Variants in RPTOR observed in about 807,000 individuals in gnomAD.
RPTOR encodes the protein regulatory associated protein of MTOR complex 1, also known as regulatory-associated protein of mTOR.
Under a neutral mutation model 169.9 loss-of-function variants are expected in RPTOR, and 21 were observed. That is an observed-to-expected ratio of 0.12 (90% CI 0.09 to 0.18). The LOEUF (loss-of-function observed/expected upper bound fraction) is 0.18. RPTOR is among the 10% of genes least tolerant of loss of function. The pLI, the probability that RPTOR is intolerant of heterozygous loss-of-function variation, is 1.00. For synonymous variants in RPTOR, 732 were observed against 753.2 expected (o/e 0.97, Z 0.46); for missense variants, 1,133 against 1,855.9 (o/e 0.61, Z 7.16).
chr17:80,669,761 A>C (rs1485329), intron 3 of RPTOR, among the ~76,000 whole-genome samples: 2 of 152,084 alleles, frequency 1.3e-5, no homozygotes, highest in South Asian at 4.1e-4. Flanking sequence ...ATGGAGGGAC[A>C]ATCTTCTGCA....
intron 1 of RPTOR, among the ~76,000 whole-genome samples, chr17:80,621,483 C>T (rs929058725): frequency 1.3e-5 from 2 of 152,230 alleles, no homozygotes; most frequent in Non-Finnish European, 2.9e-5. Flanking sequence ...GCCTCTGCCG[C>T]CTCCCCAGCC....
chr17:80,696,479 G>A (rs1346631160), intron 3 of RPTOR, among the ~76,000 whole-genome samples: 1 of 152,214 alleles, frequency 6.6e-6, no homozygotes, highest in African/African-American at 2.4e-5. Flanking sequence ...ATTAATCCAA[G>A]TAAGCAGAAT....
rs2065635724 is a variant in RPTOR at position 80,651,102 on chromosome 17, G to T, written c.348+7292G>T. 6.6e-6 allele frequency among the ~76,000 whole-genome samples: 1 copy of T among 152,208 alleles called. No individual in the cohort carries two copies. Among genetic ancestry groups the T allele is most frequent in the African/African-American group, 2.4e-5 (1 of 41,452 alleles). On this transcript the variant is annotated intron_variant, in intron 3 of 33. Transcript: ENST00000306801. The surrounding 1 kb of genome is among the most constrained non-coding windows in gnomAD (Gnocchi z 4.1). The stretch of plus-strand genomic sequence containing the variant: ...TCGTTTCACAGATCTCACGTGCCAT[G>T]TGTGTTTCCTGAGTTAACTTGGGGA...
intron 6 of RPTOR, among the ~76,000 whole-genome samples, chr17:80,762,568 T>G (rs1382127250): frequency 6.6e-6 from 1 of 152,032 alleles, no homozygotes; most frequent in Non-Finnish European, 1.5e-5. Context: ...AAAAGAGAAG[T>G]AATCCAATAA....
chr17:80,555,068 C>T (rs2084392224), intron 1 of RPTOR, among the ~76,000 whole-genome samples: 1 of 151,988 alleles, frequency 6.6e-6, no homozygotes, highest in Non-Finnish European at 1.5e-5. Flanking sequence ...CCTTTAAGAC[C>T]GTAAAGGGGC....
At chr17:80,798,548 C>T (rs955599033) in intron 7 of RPTOR, among the ~76,000 whole-genome samples, 7 of 152,020 alleles carry the variant, frequency 4.6e-5, no homozygotes, top group East Asian at 1.9e-4. Flanking sequence ...GGAGGGTCAC[C>T]GCCTGACCCC....
rs746995356 is a variant in RPTOR at position 80,791,528 on chromosome 17, C to T, written c.890+19C>T. On this transcript the variant is annotated intron_variant, in intron 7 of 33. Transcript: ENST00000306801. Reference sequence around the variant, plus strand: ...TAGAAAAGTAAGTAGGATTTTTAAGCTCTTGTGGCTCTCTGGATCTGATGA... The same window carrying T: ...TAGAAAAGTAAGTAGGATTTTTAAGTTCTTGTGGCTCTCTGGATCTGATGA... The T allele has an allele frequency of 3.7e-6, 6 of 1,609,064 alleles. No individual in the cohort carries two copies. The East Asian group carries it at 6.7e-5, about 18-fold the overall frequency.
chr17:80,883,275 A>G, intron 14 of RPTOR, 144 bp from the exon 15 acceptor site: 1 of 733,890 alleles, frequency 1.4e-6, no homozygotes, highest in South Asian at 1.7e-5. Flanking sequence ...GAGTCCACGT[A>G]AAATCCAGGA....
chr17:80,914,285 G>A (rs945337379), intron 21 of RPTOR, among the ~76,000 whole-genome samples: 39 of 152,308 alleles, frequency 2.6e-4, no homozygotes, highest in Non-Finnish European at 3.8e-4. Context: ...CTCCCCAGGT[G>A]CAGCTACAGC....
At chr17:80,937,766 G>A (rs548728780) in intron 24 of RPTOR, among the ~76,000 whole-genome samples, 5 of 152,344 alleles carry the variant, frequency 3.3e-5, no homozygotes, top group Admixed American at 6.5e-5. Flanking sequence ...TGCTGCCTCC[G>A]TGCTGAGCGG....
intron 1 of RPTOR, among the ~76,000 whole-genome samples, chr17:80,594,309 G>A (rs1303126487): frequency 6.6e-6 from 1 of 152,066 alleles, no homozygotes; most frequent in African/African-American, 2.4e-5. Context: ...GGCCAGGCTG[G>A]TCTTGAATTC....
intron 4 of RPTOR, among the ~76,000 whole-genome samples, chr17:80,719,846 C>T (rs2066270420): frequency 6.6e-6 from 1 of 152,194 alleles, no homozygotes; most frequent in African/African-American, 2.4e-5. Flanking sequence ...TTGGTACTTC[C>T]TCTGCCCTTC....
Position 80,922,736 on chromosome 17 carries a change from G to A in RPTOR, c.2533G>A (p.Ala845Thr), listed in dbSNP as rs770010373. 1.8e-5 allele frequency: 29 copies of A among 1,586,926 alleles called. 1 individual carries two copies. The highest frequency in any genetic ancestry group is 1.8e-4 in the South Asian group (16 of 87,590). ...NSIAYKATVN[A>T]RPQRVLDTSS... ...CCTTTGCCCCTAGGCCACCGTGAAC[G>A]CCCGGCCGCAGCGCGTCCTGGACAC... The change falls in exon 22 of 34, where the codon GCC becomes ACC. Residue 845 changes from alanine to threonine, a missense_variant. Ala to Thr is a moderately conservative substitution (Grantham distance 58). Transcript: ENST00000306801.
chr17:80,602,189 G>T (rs1172877142), intron 1 of RPTOR, among the ~76,000 whole-genome samples: 1 of 68,584 alleles, frequency 1.5e-5, no homozygotes, highest in African/African-American at 6.5e-5. Context: ...GGCTGGCCGG[G>T]CGGGGGGCTG....
intron 6 of RPTOR, among the ~76,000 whole-genome samples, chr17:80,782,678 C>G (rs937788519): frequency 6.6e-6 from 1 of 152,150 alleles, no homozygotes; most frequent in African/African-American, 2.4e-5. Flanking sequence ...GCAGCCCTGG[C>G]TCTCAAGGGG....
chr17:80,616,763 GA>G (rs34531454), intron 1 of RPTOR, among the ~76,000 whole-genome samples: 45,364 of 150,052 alleles, frequency 0.3, 7,061 homozygotes, highest in Non-Finnish European at 0.36. Context: ...AAGGAGTGGA[GA>G]AAAAAAAAAT....
At chr17:80,902,806 G>A (rs1397038267) in intron 20 of RPTOR, among the ~76,000 whole-genome samples, 2 of 152,240 alleles carry the variant, frequency 1.3e-5, no homozygotes, top group African/African-American at 2.4e-5. Context: ...CAGCTAGAGT[G>A]CAGTCCCATG....
Position 80,849,022 on chromosome 17 carries a change from G to A in RPTOR, c.1314+2448G>A, listed in dbSNP as rs2589152. ...CTGTTTCCTGGCTGTGCCCAGCCGG[G>A]ATCAATGGGCGGACCTCCACCTAAC... On this transcript the variant is annotated intron_variant, in intron 11 of 33. Transcript: ENST00000306801. Among the ~76,000 whole-genome samples the A allele has an allele frequency of 3.0e-3, 452 of 152,260 alleles. 7 individuals are homozygous for A. Among genetic ancestry groups the A allele is most frequent in the African/African-American group, 0.01 (433 of 41,532 alleles).
intron 9 of RPTOR, among the ~76,000 whole-genome samples, chr17:80,830,839 C>T (rs1402149242): frequency 6.6e-6 from 1 of 151,892 alleles, no homozygotes; most frequent in Non-Finnish European, 1.5e-5. Flanking sequence ...CAGCCTCAAC[C>T]TCCCAGGGTC....
Sources: gnomAD v4.1 joint callset for allele counts (sites outside exome capture counted in the v4.1 genomes callset) on GRCh38, gnomAD v4.1.1 for gene constraint, Gnocchi (gnomAD v3.1) non-coding constraint, MANE v1.5 for transcripts, NCBI Gene and HGNC (gene_info 2026-07-23, HGNC 2026-07-21) for gene names.